Variants in COX18 observed in about 807,000 individuals in gnomAD.
The protein encoded by COX18 is cytochrome c oxidase assembly protein COX18, mitochondrial.
A neutral mutation model predicts 38.0 loss-of-function variants in COX18; 45 were observed. That is an observed-to-expected ratio of 1.18 (90% CI 0.93 to 1.52). The LOEUF (loss-of-function observed/expected upper bound fraction) is 1.52, where lower values mean the gene tolerates loss of function less well. Ranked by LOEUF, COX18 falls within the 40% of genes most tolerant of loss-of-function variation. The pLI is 0.00. For synonymous variants in COX18, 177 were observed against 169.8 expected, an observed-to-expected ratio of 1.04 and a Z score of -0.33; for missense variants, 462 against 423.8, an observed-to-expected ratio of 1.09 and a Z score of -0.79.
intron 2 of COX18, among the ~76,000 whole-genome samples, chr4:73,067,266 T>C (rs1170607658): frequency 6.6e-6 from 1 of 152,256 alleles, no homozygotes; most frequent in South Asian, 2.1e-4. Flanking sequence ...GTCAAGATTG[T>C]AAATAACCTG....
At chr4:73,064,300 A>G (rs1338735857) in intron 4 of COX18, among the ~76,000 whole-genome samples, 2 of 152,116 alleles carry the variant, frequency 1.3e-5, no homozygotes, top group Admixed American at 1.3e-4. Flanking sequence ...CACATTTTCT[A>G]TGTGTATGTT....
At position 73,069,610 on chromosome 4, in the gene COX18, G is replaced by A; in HGVS notation, c.40C>T (p.Pro14Ser). 1 of 1,554,202 alleles carries A rather than the reference G, an allele frequency of 6.4e-7. No homozygotes were observed. Among genetic ancestry groups the A allele is most frequent in the Non-Finnish European group, 8.7e-7 (1 of 1,153,252 alleles). Residue 14 changes from proline (P) to serine (S), a missense_variant, in exon 1 of 6, where the codon CCT becomes TCT. Pro to Ser is a moderately conservative substitution (Grantham distance 74, BLOSUM62 -1). Transcript: ENST00000507544. ...TCCCTAGCCCAAAGCTGCAGGGCAG[G>A]GAGCGGCCGCAGCCACCGACCGCCG... The part of the protein sequence containing the change: ...RLGGRWLRPL[P>S]ALQLWARDLP...
At position 73,064,898 on chromosome 4, in the gene COX18, A is replaced by C. The variant is rs1720360426; in HGVS notation, c.603T>G (p.Gly201=). ...LSTGAAHSEA[G]FSVQEQLATG... is the part of the protein sequence containing the mutation. ...TAGCTAACTGTTCCTGAACAGAAAA[A>C]CCTGCTAAAACAGTTTTATAAATAA... The change falls in exon 4 of 6, where the codon GGT becomes GGG. Residue 201 remains glycine (G), a synonymous_variant. Transcript: ENST00000507544. 3.7e-6 allele frequency: 6 copies of C among 1,613,142 alleles called. No individual in the cohort carries two copies. The highest frequency in any genetic ancestry group is 1.7e-5 in the Admixed American group (1 of 59,880).
rs530247014 is a variant in COX18 at position 73,055,149 on chromosome 4, A to T, written c.*2965T>A. ...TATCTGAGTGTACACAGTAACACAC[A>T]CGGCAAAGGCAAAGTTATTCCAGAG... On this transcript the variant is annotated 3_prime_UTR_variant, in exon 6 of 6. Coordinates refer to ENST00000507544, the MANE Select transcript of COX18 (RefSeq NM_001297732.2). 6.6e-6 allele frequency: 1 copy of T among 152,370 alleles called. No individual in the cohort carries two copies. Among genetic ancestry groups the T allele is most frequent in the South Asian group, 2.1e-4 (1 of 4,834 alleles). The allele number at this position is 152,370 out of a possible 1,614,324, so 9.4% of individuals were successfully genotyped here.
chr4:73,058,403 G>C, intron 5 of COX18, 116 bp from the exon 6 acceptor site: 1 of 710,112 alleles, frequency 1.4e-6, no homozygotes, highest in Non-Finnish European at 2.3e-6. Context: ...GACTAAGCAA[G>C]ACTTGCAGCA....
chr4:73,065,171 GCTTTT>G (rs1442110745), intron 3 of COX18, 74 bp downstream of exon 3: 1 of 914,626 alleles, frequency 1.1e-6, no homozygotes, highest in Non-Finnish European at 1.6e-6. Flanking sequence ...TGAAAAGTAT[GCTTTT>G]TTTTTTTTTT....
At chr4:73,060,765 A>T (rs188053073) in intron 5 of COX18, among the ~76,000 whole-genome samples, 152 of 151,818 alleles carry the variant, frequency 1.0e-3, no homozygotes, top group Non-Finnish European at 1.8e-3. Context: ...CTGTAATCCC[A>T]GGTACTAGGG....
chr4:73,069,695 G>C lies in COX18; in HGVS notation c.-46C>G. 1 of 1,516,862 alleles carries C rather than the reference G, an allele frequency of 6.6e-7. No individual in the cohort carries two copies. The highest frequency in any genetic ancestry group is 1.7e-4 in the Middle Eastern group (1 of 5,954). The allele number at this position is 1,516,862 out of a possible 1,614,324, so 94.0% of individuals were successfully genotyped here. ...CAGATCCCGGGCCTCACAATCCAGC[G>C]GACATACACCGGCCAGCCAAGGCTG... is the stretch of plus-strand genomic sequence containing the variant. On this transcript the variant is annotated 5_prime_UTR_variant, in exon 1 of 6. Transcript: ENST00000507544.
chr4:73,059,335 C>T (rs1481593208), intron 5 of COX18, among the ~76,000 whole-genome samples: 1 of 152,232 alleles, frequency 6.6e-6, no homozygotes, highest in Non-Finnish European at 1.5e-5. Flanking sequence ...TATTTTCCTT[C>T]TGTTCCAGTT....
At chr4:73,059,960 T>C (rs1390982025) in intron 5 of COX18, among the ~76,000 whole-genome samples, 1 of 152,020 alleles carries the variant, frequency 6.6e-6, no homozygotes, top group East Asian at 1.9e-4. Context: ...GGGGTGGTCA[T>C]AAAACTAAGA....
Position 73,065,271 on chromosome 4 carries a change from T to C in COX18, c.577A>G (p.Thr193Ala). The C allele has an allele frequency of 6.2e-7, 1 of 1,612,826 alleles. No individual in the cohort carries two copies. The highest frequency in any genetic ancestry group is 8.5e-7 in the Non-Finnish European group (1 of 1,179,606). The change falls in exon 3 of 6, where the codon ACG (threonine) becomes GCG (alanine). Residue 193 changes from threonine to alanine, a missense_variant. Physicochemically the swap from Thr to Ala is moderately conservative, Grantham distance 58. Coordinates refer to ENST00000507544, the MANE Select transcript of COX18 (RefSeq NM_001297732.2). Reference sequence around the variant, plus strand: ...TTACCTTCTGAATGTGCTGCCCCCGTGCTTAAATTCCGGAGAGCAAAAGAC... The same window carrying C: ...TTACCTTCTGAATGTGCTGCCCCCGCGCTTAAATTCCGGAGAGCAAAAGAC... ...FMSFALRNLS[T>A]GAAHSEAGFS...
In COX18 at chr4:73,055,964, CAGGGA is replaced by C. The variant is rs551291097; in HGVS notation, c.*2145_*2149del. On this transcript the variant is annotated 3_prime_UTR_variant, in exon 6 of 6. Transcript: ENST00000507544. The stretch of plus-strand genomic sequence containing the variant: ...ACCATCTATGTCTAAAATAAATTCT[CAGGGA>C]AGCAGAATTCTTACCTCTGTATGCT... 41 of 152,222 alleles carry C rather than the reference CAGGGA, an allele frequency of 2.7e-4. No homozygotes were observed. The East Asian group carries it at 7.5e-3, about 28-fold the overall frequency. The allele number at this position is 152,222 out of a possible 1,614,324, so 9.4% of individuals were successfully genotyped here.
At chr4:73,068,926 C>A (rs1390210825) in intron 1 of COX18, among the ~76,000 whole-genome samples, 1 of 152,138 alleles carries the variant, frequency 6.6e-6, no homozygotes, top group Non-Finnish European at 1.5e-5. Context: ...AGCTGGAATA[C>A]TTTGGGACGA....
At chr4:73,067,775 A>T (rs1347389558) in intron 2 of COX18, among the ~76,000 whole-genome samples, 1 of 130,900 alleles carries the variant, frequency 7.6e-6, no homozygotes, top group Non-Finnish European at 1.6e-5. Flanking sequence ...TGGGAGGCAG[A>T]GGTTGTGATG....
chr4:73,053,950 T>C lies in COX18; in HGVS notation c.*4164A>G, dbSNP rs1035737819. On this transcript the variant is annotated 3_prime_UTR_variant, in exon 6 of 6. Coordinates refer to ENST00000507544, the MANE Select transcript of COX18 (RefSeq NM_001297732.2). ...ATCCTAATGGTATAAATACTATAAA[T>C]TGATCCAGGAGTGAGTCTCCCTTCC... The C allele has an allele frequency of 4.6e-5, 7 of 152,208 alleles. No homozygotes were observed. The highest frequency in any genetic ancestry group is 1.7e-4 in the African/African-American group (7 of 41,456). The allele number at this position is 152,208 out of a possible 1,614,324, so 9.4% of individuals were successfully genotyped here. A position where few individuals can be genotyped will look rare whatever the true frequency, so the allele number is the denominator to read the frequency against.
Position 73,058,005 on chromosome 4 carries a change from G to T in COX18, c.*109C>A. The T allele has an allele frequency of 1.2e-6, 1 of 807,310 alleles. No homozygotes were observed. The highest frequency in any genetic ancestry group is 2.0e-6 in the Non-Finnish European group (1 of 503,252). The allele number at this position is 807,310 out of a possible 1,614,324, so 50.0% of individuals were successfully genotyped here. A position where few individuals can be genotyped will look rare whatever the true frequency, so the allele number is the denominator to read the frequency against. Reference sequence around the variant, plus strand: ...ATCTTAACCTACAATATTTCATGAAGTTAATGATTTTAAATAAAAGGAAAT... The same window carrying T: ...ATCTTAACCTACAATATTTCATGAATTTAATGATTTTAAATAAAAGGAAAT... On this transcript the variant is annotated 3_prime_UTR_variant, in exon 6 of 6. Transcript: ENST00000507544.
chr4:73,067,086 C>A (rs749529377), intron 2 of COX18, among the ~76,000 whole-genome samples: 1 of 152,154 alleles, frequency 6.6e-6, no homozygotes, highest in African/African-American at 2.4e-5. Flanking sequence ...CATCCTTGGG[C>A]GCAATCAAGC....
rs1017059163 is a variant in COX18 at position 73,053,090 on chromosome 4, G to T, written c.*5024C>A. 5.3e-5 allele frequency: 8 copies of T among 151,774 alleles called. No homozygotes were observed. Among genetic ancestry groups the T allele is most frequent in the African/African-American group, 1.7e-4 (7 of 41,332 alleles). 9.4% of individuals were successfully genotyped at this position (151,774 alleles called of 1,614,324 possible). A position where few individuals can be genotyped will look rare whatever the true frequency, so the allele number is the denominator to read the frequency against. On this transcript the variant is annotated 3_prime_UTR_variant, in exon 6 of 6. Transcript: ENST00000507544. ...CACAGAAGGTACCAAGGTTTTTTTG[G>T]GCACTCATTTTTTCACACTAACTAC...
intron 1 of COX18, 108 bp downstream of exon 1, chr4:73,069,209 G>C: frequency 1.2e-5 from 9 of 774,214 alleles, no homozygotes; most frequent in Non-Finnish European, 1.8e-5. Flanking sequence ...TAAACACTAA[G>C]CACTGCAGAA....
Sources: allele counts gnomAD v4.1 joint callset (sites outside exome capture counted in the v4.1 genomes callset), GRCh38; gene constraint gnomAD v4.1.1; transcripts MANE v1.5; gene names NCBI Gene and HGNC (gene_info 2026-07-23, HGNC 2026-07-21).